The following RASAL2 variants were observed in gnomAD, a reference collection of about 807,000 sequenced individuals.
RASAL2 encodes RAS protein activator like 2.
A neutral mutation model predicts 128.9 loss-of-function variants in RASAL2; 58 were observed. The observed-to-expected ratio is 0.45, with a 90% confidence interval of 0.36 to 0.56. The LOEUF is 0.56. RASAL2 is among the 20% of genes least tolerant of loss of function. The pLI is 0.00. For missense variants in RASAL2, 1,360 were observed against 1,601.6 expected (o/e 0.85, Z 2.57); for synonymous variants, 561 against 580.8 (o/e 0.97, Z 0.49).
intron 4 of RASAL2, among the ~76,000 whole-genome samples, chr1:178,415,394 A>G (rs1271064832): frequency 6.6e-6 from 1 of 152,032 alleles, no homozygotes; most frequent in African/African-American, 2.4e-5. Flanking sequence ...TCTTTCTATT[A>G]CTGATTTCTA....
intron 1 of RASAL2, among the ~76,000 whole-genome samples, chr1:178,210,371 G>A (rs1478967821): frequency 2.0e-5 from 3 of 152,150 alleles, no homozygotes; most frequent in Non-Finnish European, 2.9e-5. Context: ...TTTGTTGCCT[G>A]TTGATTTTCT....
At chr1:178,340,915 TG>T (rs150117222) in intron 3 of RASAL2, among the ~76,000 whole-genome samples, 2,903 of 152,252 alleles carry the variant, frequency 0.019, 80 homozygotes, top group African/African-American at 0.063. Flanking sequence ...TTTTAAAAAA[TG>T]AAGTTCTAGC....
chr1:178,154,439 C>T (rs746843362), intron 1 of RASAL2, among the ~76,000 whole-genome samples: 1 of 152,036 alleles, frequency 6.6e-6, no homozygotes, highest in Non-Finnish European at 1.5e-5. Context: ...GTGGGCCACA[C>T]TGCCTAGCCT....
intron 4 of RASAL2, among the ~76,000 whole-genome samples, chr1:178,392,857 A>G (rs1672993832): frequency 4.6e-5 from 7 of 152,186 alleles, no homozygotes; most frequent in Admixed American, 4.6e-4. Context: ...AATAACTGTA[A>G]CAGTGAGCTC....
chr1:178,178,964 A>G (rs1239355379), intron 1 of RASAL2, among the ~76,000 whole-genome samples: 2 of 152,076 alleles, frequency 1.3e-5, no homozygotes, highest in Non-Finnish European at 2.9e-5. Flanking sequence ...TAGTACCATA[A>G]CTTTTTGCTA....
In RASAL2 at chr1:178,451,672, A is replaced by G; in HGVS notation, c.1729A>G (p.Met577Val). 6.2e-7 allele frequency: 1 copy of G among 1,613,838 alleles called. No individual in the cohort carries two copies. Among genetic ancestry groups the G allele is most frequent in the Non-Finnish European group, 8.5e-7 (1 of 1,179,786 alleles). The change falls in exon 10 of 18, where the codon ATG becomes GTG. Residue 577 changes from methionine (M) to valine (V), a missense_variant. Around this residue, in one of 3 missense-constraint regions of RASAL2, gnomAD observed 2 missense variants for 18.7 expected, o/e 0.11. Transcript: ENST00000367649. Reference sequence around the variant, plus strand: ...GATAGACCATCAGAGCAACCTGAAAATGTGCTGTGAGCTGGCTTTCTGCAA... The same window carrying G: ...GATAGACCATCAGAGCAACCTGAAAGTGTGCTGTGAGCTGGCTTTCTGCAA... ...ELIDHQSNLK[M>V]CCELAFCKII...
intron 1 of RASAL2, among the ~76,000 whole-genome samples, chr1:178,141,385 T>A (rs1660528212): frequency 6.6e-6 from 1 of 151,952 alleles, no homozygotes; most frequent in Non-Finnish European, 1.5e-5. Flanking sequence ...CCTCCTGTTT[T>A]TAGACTAATT....
chr1:178,094,419 G>A lies in RASAL2; in HGVS notation c.-74G>A. ...TGCGCGCTCTCCTCCTCCCCTTACC[G>A]CAGGCAGGGCGCGGAGCCGCGCGCC... is the stretch of plus-strand genomic sequence containing the variant. On this transcript the variant is annotated 5_prime_UTR_variant, in exon 1 of 18. Transcript: ENST00000367649. 2.2e-6 allele frequency: 3 copies of A among 1,381,132 alleles called. No homozygotes were observed. The South Asian group carries it at 4.4e-5, about 20-fold the overall frequency. The allele number at this position is 1,381,132 out of a possible 1,614,324, so 85.6% of individuals were successfully genotyped here.
At chr1:178,166,934 C>A (rs1661536597) in intron 1 of RASAL2, among the ~76,000 whole-genome samples, 1 of 151,994 alleles carries the variant, frequency 6.6e-6, no homozygotes, top group Non-Finnish European at 1.5e-5. Context: ...TTTTAAAAAT[C>A]AATTATTAGG....
At chr1:178,302,827 G>C (rs1309855023) in intron 3 of RASAL2, among the ~76,000 whole-genome samples, 1 of 152,132 alleles carries the variant, frequency 6.6e-6, no homozygotes, top group African/African-American at 2.4e-5. Flanking sequence ...AGATCACGAG[G>C]TCAGGAGTTC....
Position 178,428,057 on chromosome 1 carries a change from TA to T in RASAL2, c.674+7438del, listed in dbSNP as rs548397596. Among the ~76,000 whole-genome samples, 789 of 151,902 alleles carry T rather than the reference TA, an allele frequency of 5.2e-3. 5 individuals carry two copies. The highest frequency in any genetic ancestry group is 0.018 in the African/African-American group (736 of 41,408). ...GTTGAGATTGGCTTTTTTTTTTTTTTACACTAAACATATGCCCTTGAGGTCC... is the reference window on the plus strand; with the variant it reads ...GTTGAGATTGGCTTTTTTTTTTTTTTCACTAAACATATGCCCTTGAGGTCC... On this transcript the variant is annotated intron_variant, in intron 5 of 17. Transcript: ENST00000367649.
intron 1 of RASAL2, among the ~76,000 whole-genome samples, chr1:178,272,083 A>T (rs893044308): frequency 1.3e-5 from 2 of 152,140 alleles, no homozygotes; most frequent in Non-Finnish European, 2.9e-5. Context: ...TGTAGTGTTT[A>T]TCAGAATTAT....
intron 1 of RASAL2, among the ~76,000 whole-genome samples, chr1:178,162,119 C>T (rs1341244262): frequency 2.7e-5 from 4 of 149,722 alleles, no homozygotes; most frequent in African/African-American, 9.8e-5. Context: ...CACCTGCCAC[C>T]ACGCCTGGCT....
intron 1 of RASAL2, among the ~76,000 whole-genome samples, chr1:178,279,329 C>T (rs1666671634): frequency 1.3e-5 from 2 of 152,034 alleles, no homozygotes; most frequent in Non-Finnish European, 2.9e-5. Context: ...GTTACCTGTC[C>T]TGTTGATTCC....
chr1:178,121,039 T>A (rs1571502897), intron 1 of RASAL2: 1 of 152,326 alleles, frequency 6.6e-6, no homozygotes, highest in East Asian at 1.9e-4. Context: ...AGGGTCCCAG[T>A]AATTTCCTTT....
chr1:178,184,536 A>T (rs770232055), intron 1 of RASAL2, among the ~76,000 whole-genome samples: 3 of 152,046 alleles, frequency 2.0e-5, no homozygotes, highest in Non-Finnish European at 2.9e-5. Context: ...TCATAGTTTT[A>T]CATACAGGCA....
chr1:178,431,561 A>G (rs914362838), intron 5 of RASAL2, among the ~76,000 whole-genome samples: 2 of 152,092 alleles, frequency 1.3e-5, no homozygotes, highest in Admixed American at 6.6e-5. Context: ...CCTTGGATCT[A>G]GCAATTTCAC....
intron 1 of RASAL2, among the ~76,000 whole-genome samples, chr1:178,122,117 G>A (rs1434979003): frequency 2.0e-5 from 3 of 152,106 alleles, no homozygotes; most frequent in East Asian, 1.9e-4. Context: ...TCAAAGGAGC[G>A]TGGAATCCAT....
intron 2 of RASAL2, among the ~76,000 whole-genome samples, chr1:178,296,041 GTGTGTGTGTATATATA>G (rs1667483035): frequency 1.3e-5 from 2 of 151,770 alleles, no homozygotes; most frequent in East Asian, 3.9e-4. Context: ...ATGTGTGTAT[GTGTGTGTGTATATATA>G]TGTGTGTGTA....
Sources: allele counts gnomAD v4.1 joint callset (sites outside exome capture counted in the v4.1 genomes callset), GRCh38; gene constraint gnomAD v4.1.1; regional missense constraint gnomAD v4.1.1; transcripts MANE v1.5; gene names NCBI Gene and HGNC (gene_info 2026-07-23, HGNC 2026-07-21).